The following FAM13A variants were observed in gnomAD, a reference collection of about 807,000 sequenced individuals.
FAM13A encodes the protein family with sequence similarity 13 member A.
FAM13A carries 76 observed loss-of-function variants against 129.6 expected under a neutral mutation model. The observed-to-expected ratio is 0.59, with a 90% CI of 0.49 to 0.71. The LOEUF is 0.71. FAM13A is among the 30% of genes least tolerant of loss of function. The pLI, the probability that FAM13A is intolerant of heterozygous loss-of-function variation, is 0.00. For synonymous variants in FAM13A, 443 were observed against 449.9 expected (o/e 0.98, Z 0.20); for missense variants, 1,108 against 1,249.3 (o/e 0.89, Z 1.70).
chr4:88,786,551 A>C (rs1323431518), intron 10 of FAM13A, among the ~76,000 whole-genome samples: 1 of 152,184 alleles, frequency 6.6e-6, no homozygotes, highest in East Asian at 1.9e-4. Context: ...CTCCTATATT[A>C]TACTTTTTCT....
intron 1 of FAM13A, among the ~76,000 whole-genome samples, chr4:89,040,218 T>C (rs1381938483): frequency 6.6e-6 from 1 of 152,208 alleles, no homozygotes; most frequent in Non-Finnish European, 1.5e-5. Flanking sequence ...TGTATATGTA[T>C]TGTATATATG....
At chr4:88,736,601 G>C (rs1739033492) in intron 21 of FAM13A, 2 of 151,976 alleles carry the variant, frequency 1.3e-5, no homozygotes, top group African/African-American at 4.8e-5. Flanking sequence ...GATTGCCTTT[G>C]ATTTTTCATC....
chr4:88,912,568 TACACACACACAC>T (rs71594867), intron 5 of FAM13A, among the ~76,000 whole-genome samples: 27 of 146,098 alleles, frequency 1.8e-4, no homozygotes, highest in African/African-American at 4.3e-4. Context: ...CACACATACA[TACACACACACAC>T]ACACACACAC....
intron 6 of FAM13A, among the ~76,000 whole-genome samples, chr4:88,899,545 T>C (rs1485524166): frequency 2.0e-5 from 3 of 152,098 alleles, no homozygotes; most frequent in Non-Finnish European, 2.9e-5. Flanking sequence ...AGGAGTATTA[T>C]ATATACTTAG....
intron 4 of FAM13A, among the ~76,000 whole-genome samples, chr4:88,957,502 C>T (rs768832772): frequency 2.0e-5 from 3 of 152,104 alleles, no homozygotes; most frequent in Non-Finnish European, 4.4e-5. Context: ...CATAAATTAC[C>T]GAGTCTCGGA....
At chr4:88,888,464 C>T (rs1416945258) in intron 6 of FAM13A, among the ~76,000 whole-genome samples, 3 of 152,146 alleles carry the variant, frequency 2.0e-5, no homozygotes, top group Admixed American at 2.0e-4. Flanking sequence ...ATGGACCTGA[C>T]TGAAAGCAAA....
At chr4:88,794,727 CTCTT>C (rs1312110340) in intron 8 of FAM13A, among the ~76,000 whole-genome samples, 1 of 151,708 alleles carries the variant, frequency 6.6e-6, no homozygotes, top group Non-Finnish European at 1.5e-5. Flanking sequence ...TTTAAATTTA[CTCTT>C]TTTTTAATTG....
chr4:88,934,898 T>C (rs1159762563), intron 5 of FAM13A, among the ~76,000 whole-genome samples: 1 of 152,088 alleles, frequency 6.6e-6, no homozygotes, highest in African/African-American at 2.4e-5. Flanking sequence ...GGCTAAGAGG[T>C]CTATCCAAAA....
At chr4:88,932,104 T>C (rs561211942) in intron 5 of FAM13A, among the ~76,000 whole-genome samples, 7 of 152,334 alleles carry the variant, frequency 4.6e-5, no homozygotes, top group African/African-American at 1.7e-4. Flanking sequence ...GTTGCTACAG[T>C]ACATACTCAT....
intron 6 of FAM13A, among the ~76,000 whole-genome samples, chr4:88,886,093 T>C (rs1359706567): frequency 6.6e-6 from 1 of 152,088 alleles, no homozygotes; most frequent in African/African-American, 2.4e-5. Context: ...ACAACTACTA[T>C]GGAAAACAGT....
At chr4:88,839,694 C>CTGGTCAACA (rs1391255038) in intron 7 of FAM13A, among the ~76,000 whole-genome samples, 3 of 152,134 alleles carry the variant, frequency 2.0e-5, no homozygotes, top group Admixed American at 2.0e-4. Context: ...TGAGACCAGC[C>CTGGTCAACA]TGGTCAACAT....
Position 89,020,557 on chromosome 4 carries a change from G to C in FAM13A, c.330C>G (p.Val110=). Residue 110 remains valine, a synonymous_variant, in exon 3 of 24, where the codon GTC becomes GTG. Transcript: ENST00000264344. The stretch of plus-strand genomic sequence containing the variant: ...GCTTCAACAGACTGGCTGCTGAGCA[G>C]ACATCACCGTCCTTCCCGAGCTCCA... ...VPVELGKDGD[V]CSAASLLKLF... 6.2e-7 allele frequency: 1 copy of C among 1,614,084 alleles called. No individual in the cohort carries two copies. Among genetic ancestry groups the C allele is most frequent in the Non-Finnish European group, 8.5e-7 (1 of 1,180,002 alleles).
intron 10 of FAM13A, among the ~76,000 whole-genome samples, chr4:88,781,624 C>A (rs538834352): frequency 6.6e-6 from 1 of 151,872 alleles, no homozygotes; most frequent in Non-Finnish European, 1.5e-5. Context: ...AATTTGTATT[C>A]AAAAAGGGAG....
At chr4:88,863,063 T>C (rs1739769535) in intron 6 of FAM13A, among the ~76,000 whole-genome samples, 1 of 151,570 alleles carries the variant, frequency 6.6e-6, no homozygotes, top group African/African-American at 2.4e-5. Context: ...CTAAAACCCT[T>C]GGACTGTCCA....
At chr4:88,849,681 A>G (rs1737224109) in intron 7 of FAM13A, among the ~76,000 whole-genome samples, 1 of 152,128 alleles carries the variant, frequency 6.6e-6, no homozygotes, top group Non-Finnish European at 1.5e-5. Context: ...TTTCCTTATT[A>G]GAATGTACGG....
intron 5 of FAM13A, among the ~76,000 whole-genome samples, chr4:88,926,272 C>T (rs1013600228): frequency 2.0e-5 from 3 of 152,152 alleles, no homozygotes; most frequent in Non-Finnish European, 2.9e-5. Flanking sequence ...TTCCAGCCCA[C>T]AGAAGTATAA....
intron 3 of FAM13A, among the ~76,000 whole-genome samples, chr4:88,998,195 C>A (rs892720577): frequency 5.9e-5 from 9 of 152,158 alleles, no homozygotes; most frequent in Non-Finnish European, 8.8e-5. Flanking sequence ...ACACTTCTCA[C>A]CCACAGTACA....
chr4:89,027,329 G>A (rs1205261253), intron 2 of FAM13A, among the ~76,000 whole-genome samples: 3 of 152,198 alleles, frequency 2.0e-5, no homozygotes, highest in East Asian at 1.9e-4. Context: ...ACAACATGGC[G>A]AGACCTGCCT....
At chr4:88,752,074 T>C (rs1391030719) in intron 14 of FAM13A, among the ~76,000 whole-genome samples, 2 of 152,198 alleles carry the variant, frequency 1.3e-5, no homozygotes, top group Non-Finnish European at 2.9e-5. Context: ...TGGCCGCACA[T>C]TAAAGTCACA....
Sources: gnomAD v4.1 joint callset for allele counts (sites outside exome capture counted in the v4.1 genomes callset) on GRCh38, gnomAD v4.1.1 for gene constraint, MANE v1.5 for transcripts, NCBI Gene and HGNC (gene_info 2026-07-23, HGNC 2026-07-21) for gene names.